The following PAFAH1B1 variants were observed in gnomAD, a reference collection of about 807,000 sequenced individuals.
PAFAH1B1 encodes platelet-activating factor acetylhydrolase IB subunit beta.
In PAFAH1B1, 2 loss-of-function variants were observed where a neutral mutation model predicts 57.5. The ratio of observed to expected loss-of-function variants is 0.03; its 90% CI spans 0.01 to 0.11. The LOEUF (loss-of-function observed/expected upper bound fraction) is 0.11. Ranked by LOEUF, PAFAH1B1 falls within the 10% of genes least tolerant of loss-of-function variation. PAFAH1B1 has a pLI of 1.00. For missense variants in PAFAH1B1, 257 were observed against 512.0 expected (o/e 0.50, Z 4.81); for synonymous variants, 152 against 169.6 (o/e 0.90, Z 0.81).
chr17:2,638,072 C>CTTTTTTTTTTTT, intron 1 of PAFAH1B1, 27 bp from the exon 2 acceptor site: 1 of 480,928 alleles, frequency 2.1e-6, no homozygotes, highest in Non-Finnish European at 3.7e-6. Flanking sequence ...GTGAAATAAT[C>CTTTTTTTTTTTT]TTTTTTTTTC....
chr17:2,683,507 CAG>C lies in PAFAH1B1; in HGVS notation c.*1709_*1710del, dbSNP rs2069418762. 6.6e-6 allele frequency: 1 copy of C among 152,224 alleles called. No homozygotes were observed. The highest frequency in any genetic ancestry group is 6.5e-5 in the Admixed American group (1 of 15,282). 9.4% of individuals were successfully genotyped at this position (152,224 alleles called of 1,614,324 possible). A position where few individuals can be genotyped will look rare whatever the true frequency, so the allele number is the denominator to read the frequency against. ...AGAGTTAGCGTCCTGTAGATACACA[CAG>C]AGACTAGGCCGTATATTAACTAGAA... On this transcript the variant is annotated 3_prime_UTR_variant, in exon 11 of 11. Transcript: ENST00000397195.
At position 2,664,665 on chromosome 17, in the gene PAFAH1B1, G is replaced by GCTCGCTCTCT. The variant is rs1555526142; in HGVS notation, c.33-704_33-703insGCTCTCTCTC. On this transcript the variant is annotated intron_variant, in intron 2 of 10. Coordinates refer to ENST00000397195, the MANE Select transcript of PAFAH1B1 (RefSeq NM_000430.4). ...TGATATATATCTATATCTATCTATC[G>GCTCGCTCTCT]CTCTCTCTCTCTCTCTCTCTCTCTC... Among the ~76,000 whole-genome samples, 218 of 86,072 alleles carry GCTCGCTCTCT rather than the reference G, an allele frequency of 2.5e-3. 1 individual carries two copies. The highest frequency in any genetic ancestry group is 7.5e-3 in the African/African-American group (193 of 25,648). The allele number at this position is 86,072 out of a possible 152,430, so 56.5% of individuals were successfully genotyped here. A position where few individuals can be genotyped will look rare whatever the true frequency, so the allele number is the denominator to read the frequency against.
chr17:2,620,631 A>G (rs1446269697), intron 1 of PAFAH1B1, among the ~76,000 whole-genome samples: 1 of 152,146 alleles, frequency 6.6e-6, no homozygotes, highest in Non-Finnish European at 1.5e-5. Flanking sequence ...TGGGAGGCCG[A>G]GGTCGGTAGA....
chr17:2,670,217 T>C lies in PAFAH1B1; in HGVS notation c.454T>C (p.Ser152Pro). The C allele has an allele frequency of 6.2e-7, 1 of 1,614,086 alleles. No individual in the cohort carries two copies. Among genetic ancestry groups the C allele is most frequent in the Non-Finnish European group, 8.5e-7 (1 of 1,179,932 alleles). ...ACGAACTCTTAAAGGACATACAGAC[T>C]CTGTACAGGACATTTCATTCGACCA... ...FERTLKGHTD[S>P]VQDISFDHSG... Residue 152 changes from serine (S) to proline (P), a missense_variant, in exon 6 of 11, where the codon TCT becomes CCT. Physicochemically the swap from Ser to Pro is moderately conservative, Grantham distance 74. Transcript: ENST00000397195.
At chr17:2,619,014 T>C (rs1052187903) in intron 1 of PAFAH1B1, among the ~76,000 whole-genome samples, 1 of 145,938 alleles carries the variant, frequency 6.9e-6, no homozygotes, top group Non-Finnish European at 1.5e-5. Context: ...CCACAAGAGA[T>C]AATTCTTCAC....
In PAFAH1B1 at chr17:2,667,296, T is replaced by C; in HGVS notation, c.399+98T>C. On this transcript the variant is annotated intron_variant, in intron 5 of 10. Coordinates refer to ENST00000397195, the MANE Select transcript of PAFAH1B1 (RefSeq NM_000430.4). ...TTGCAGTGAGCCGAGATTGCACCAC[T>C]GCACTCCAGCCTGGGCGACAGAGCC... The C allele has an allele frequency of 6.0e-6, 5 of 840,072 alleles. No homozygotes were observed. The East Asian group carries it at 1.0e-4, about 17-fold the overall frequency. The allele number at this position is 840,072 out of a possible 1,614,324, so 52.0% of individuals were successfully genotyped here. A position where few individuals can be genotyped will look rare whatever the true frequency, so the allele number is the denominator to read the frequency against.
chr17:2,677,376 G>A (rs1325749537), intron 9 of PAFAH1B1, among the ~76,000 whole-genome samples: 2 of 152,146 alleles, frequency 1.3e-5, no homozygotes, highest in African/African-American at 4.8e-5. Context: ...AAGGGATTGT[G>A]GACATTCCTA....
Position 2,593,912 on chromosome 17 carries a change from CTCCT to C in PAFAH1B1, c.-280_-277del, listed in dbSNP as rs887040388. ...TCCTCCCCCCTCCTTCCCTCCCTCC[CTCCT>C]TCCTCCCTCCCCTCTCCCTCCCCCT... On this transcript the variant is annotated 5_prime_UTR_variant, in exon 1 of 11. Coordinates refer to ENST00000397195, the MANE Select transcript of PAFAH1B1 (RefSeq NM_000430.4). 3 of 384,520 alleles carry C rather than the reference CTCCT, an allele frequency of 7.8e-6. No homozygotes were observed. The highest frequency in any genetic ancestry group is 4.2e-5 in the African/African-American group (2 of 47,172). The allele number at this position is 384,520 out of a possible 1,614,324, so 23.8% of individuals were successfully genotyped here. A position where few individuals can be genotyped will look rare whatever the true frequency, so the allele number is the denominator to read the frequency against.
intron 1 of PAFAH1B1, among the ~76,000 whole-genome samples, chr17:2,630,152 T>G (rs190240693): frequency 6.6e-6 from 1 of 152,224 alleles, no homozygotes; most frequent in East Asian, 1.9e-4. Flanking sequence ...GTACTTTGGG[T>G]TTTTTTGTTT....
chr17:2,612,432 TA>T (rs1445559043), intron 1 of PAFAH1B1, among the ~76,000 whole-genome samples: 2 of 152,030 alleles, frequency 1.3e-5, no homozygotes, highest in African/African-American at 2.4e-5. Flanking sequence ...GGTCTCAAAC[TA>T]CCGACCTCAG....
intron 2 of PAFAH1B1, among the ~76,000 whole-genome samples, chr17:2,648,616 T>A (rs1028926335): frequency 6.6e-6 from 1 of 150,438 alleles, no homozygotes; most frequent in Non-Finnish European, 1.5e-5. Flanking sequence ...GGGCAGAGGT[T>A]GCAGTGACCT....
intron 1 of PAFAH1B1, among the ~76,000 whole-genome samples, chr17:2,595,059 A>C (rs1391407179): frequency 6.6e-6 from 1 of 152,182 alleles, no homozygotes; most frequent in Non-Finnish European, 1.5e-5. Flanking sequence ...TTTGGGCCCA[A>C]TTTATATCAG....
chr17:2,634,913 G>C (rs553230648), intron 1 of PAFAH1B1, among the ~76,000 whole-genome samples: 3 of 152,076 alleles, frequency 2.0e-5, no homozygotes, highest in Admixed American at 6.6e-5. Context: ...CCTGTAATCC[G>C]AGCACTTTGG....
intron 1 of PAFAH1B1, among the ~76,000 whole-genome samples, chr17:2,633,837 A>T (rs951918372): frequency 7.3e-5 from 11 of 151,694 alleles, no homozygotes; most frequent in African/African-American, 2.7e-4. Flanking sequence ...TACCTCTTGA[A>T]CTGTTACTTT....
intron 5 of PAFAH1B1, among the ~76,000 whole-genome samples, chr17:2,668,079 C>G (rs1191037016): frequency 3.3e-5 from 5 of 151,956 alleles, no homozygotes; most frequent in African/African-American, 1.2e-4. Context: ...AATCCCAGCA[C>G]TTTGGGAGGC....
chr17:2,660,263 G>C (rs533334130), intron 2 of PAFAH1B1, among the ~76,000 whole-genome samples: 1 of 151,212 alleles, frequency 6.6e-6, no homozygotes, highest in East Asian at 1.9e-4. Flanking sequence ...TTTAAGTTCC[G>C]GGATACATGT....
chr17:2,672,410 C>CCATTTGTACA (rs2069196953), intron 6 of PAFAH1B1, among the ~76,000 whole-genome samples: 1 of 150,808 alleles, frequency 6.6e-6, no homozygotes, highest in African/African-American at 2.4e-5. Flanking sequence ...TGTTTTTAAA[C>CCATTTGTACA]CATTTGTACA....
chr17:2,613,359 C>T (rs1449770284), intron 1 of PAFAH1B1: 4 of 237,604 alleles, frequency 1.7e-5, no homozygotes, highest in African/African-American at 6.9e-5. Flanking sequence ...GAAGCTCAGC[C>T]GGCAGGGCCG....
chr17:2,608,330 G>T (rs751213554), intron 1 of PAFAH1B1, among the ~76,000 whole-genome samples: 166 of 152,022 alleles, frequency 1.1e-3, no homozygotes, highest in Non-Finnish European at 1.9e-3. Flanking sequence ...GTGATCCACT[G>T]GCCTCAGCCT....
Sources: gnomAD v4.1 joint callset for allele counts (sites outside exome capture counted in the v4.1 genomes callset) on GRCh38, gnomAD v4.1.1 for gene constraint, MANE v1.5 for transcripts, NCBI Gene and HGNC (gene_info 2026-07-23, HGNC 2026-07-21) for gene names.